Variants in RHOBTB1 observed in about 807,000 individuals in gnomAD.
RHOBTB1 encodes Rho related BTB domain containing 1, also known as rho-related BTB domain-containing protein 1.
RHOBTB1 carries 40 observed loss-of-function variants against 71.6 expected under a neutral mutation model. That is an observed-to-expected ratio of 0.56 (90% CI 0.43 to 0.73). The LOEUF (loss-of-function observed/expected upper bound fraction) is 0.73, where lower values mean the gene tolerates loss of function less well. RHOBTB1 is among the 30% of genes least tolerant of loss of function. The pLI is 0.00. For missense variants in RHOBTB1, 797 were observed against 894.0 expected, an observed-to-expected ratio of 0.89 and a Z score of 1.38; for synonymous variants, 319 against 334.9, an observed-to-expected ratio of 0.95 and a Z score of 0.52.
chr10:60,864,983 G>A (rs2080630565), downstream of RHOBTB1, among the ~76,000 whole-genome samples: 3 of 152,150 alleles, frequency 2.0e-5, no homozygotes, highest in South Asian at 6.2e-4. Context: ...TAGCCACTGT[G>A]CCCGGCTTGA....
At chr10:60,998,124 C>T (rs987473568) in intron 1 of RHOBTB1, among the ~76,000 whole-genome samples, 1 of 152,138 alleles carries the variant, frequency 6.6e-6, no homozygotes, top group South Asian at 2.1e-4. Context: ...TCCATTTGTC[C>T]TGTGTGTCTG....
At chr10:60,863,623 C>T in the RHOBTB1 span, among the ~76,000 whole-genome samples, 9 of 152,084 alleles carry the variant, frequency 5.9e-5, no homozygotes, top group African/African-American at 1.4e-4. Context: ...ACCTCTGCCT[C>T]CCAGGTTCAA....
intron 4 of RHOBTB1, among the ~76,000 whole-genome samples, chr10:60,900,023 G>A (rs1294398258): frequency 3.3e-5 from 5 of 152,242 alleles, no homozygotes; most frequent in Admixed American, 2.6e-4. Flanking sequence ...CAGAGCAAAG[G>A]CCCGAGGTAG....
chr10:60,893,317 T>C (rs1044622861), intron 4 of RHOBTB1, among the ~76,000 whole-genome samples: 1 of 152,222 alleles, frequency 6.6e-6, no homozygotes, highest in Non-Finnish European at 1.5e-5. Context: ...TGCTGAACTA[T>C]TTCTCTTCAT....
At chr10:60,908,027 T>C (rs1273060456) in intron 4 of RHOBTB1, among the ~76,000 whole-genome samples, 1 of 152,194 alleles carries the variant, frequency 6.6e-6, no homozygotes, top group East Asian at 1.9e-4. Context: ...TTTTGAAAAA[T>C]TGGAGCTTTT....
chr10:60,905,548 T>C (rs1304846402), intron 4 of RHOBTB1, among the ~76,000 whole-genome samples: 1 of 150,340 alleles, frequency 6.7e-6, no homozygotes, highest in Non-Finnish European at 1.5e-5. Context: ...TGAGTAACAG[T>C]GCCATATTGT....
the RHOBTB1 span, among the ~76,000 whole-genome samples, chr10:60,863,963 C>T: frequency 2.0e-5 from 3 of 152,214 alleles, no homozygotes; most frequent in Non-Finnish European, 4.4e-5. Flanking sequence ...TTCCCTGCCT[C>T]CGGCCTGAAA....
chr10:60,897,858 C>A (rs1288428095), intron 4 of RHOBTB1, among the ~76,000 whole-genome samples: 1 of 152,052 alleles, frequency 6.6e-6, no homozygotes, highest in Non-Finnish European at 1.5e-5. Flanking sequence ...AGGCGCATGA[C>A]CATGCCTGGC....
chr10:60,907,486 C>T (rs2082736419), intron 4 of RHOBTB1, among the ~76,000 whole-genome samples: 1 of 152,086 alleles, frequency 6.6e-6, no homozygotes, highest in Admixed American at 6.6e-5. Flanking sequence ...AAAAGTTCAT[C>T]CAAAAGTGGA....
intron 5 of RHOBTB1, among the ~76,000 whole-genome samples, chr10:60,891,697 C>A (rs920332409): frequency 6.6e-6 from 1 of 151,508 alleles, no homozygotes; most frequent in Non-Finnish European, 1.5e-5. Flanking sequence ...TGCTCTCCAG[C>A]CAAAAAGTTC....
At chr10:60,886,305 GC>G in intron 6 of RHOBTB1, 75 bp from the exon 7 acceptor site, 2 of 1,001,580 alleles carry the variant, frequency 2.0e-6, no homozygotes, top group Non-Finnish European at 1.6e-6. Context: ...TGCTCCCATA[GC>G]CACCAAACTG....
At chr10:60,894,557 A>G (rs2082072738) in intron 4 of RHOBTB1, among the ~76,000 whole-genome samples, 1 of 152,228 alleles carries the variant, frequency 6.6e-6, no homozygotes, top group Non-Finnish European at 1.5e-5. Context: ...AGTATCCAGT[A>G]AAGCCAAGAA....
At chr10:60,945,610 T>C (rs1045803784), upstream of RHOBTB1, among the ~76,000 whole-genome samples, 1 of 152,220 alleles carries the variant, frequency 6.6e-6, no homozygotes, top group Admixed American at 6.5e-5. Flanking sequence ...TTTCTACTCT[T>C]CCTCACTTGC....
intron 9 of RHOBTB1, among the ~76,000 whole-genome samples, chr10:60,874,569 G>A (rs1262364247): frequency 6.6e-6 from 1 of 152,200 alleles, no homozygotes; most frequent in Non-Finnish European, 1.5e-5. Context: ...CAGCTGCAAT[G>A]AGATGTTCAT....
intron 7 of RHOBTB1, among the ~76,000 whole-genome samples, chr10:60,881,219 T>C (rs2081315415): frequency 1.3e-5 from 2 of 152,220 alleles, no homozygotes; most frequent in African/African-American, 4.8e-5. Flanking sequence ...TCCCAAGCCA[T>C]GTGGAACTGT....
At chr10:60,937,083 T>TA (rs35534540) in intron 2 of RHOBTB1, among the ~76,000 whole-genome samples, 4 of 152,036 alleles carry the variant, frequency 2.6e-5, no homozygotes, top group Non-Finnish European at 2.9e-5. Flanking sequence ...TACAAGTATT[T>TA]AAAAAAAATA....
Position 60,911,500 on chromosome 10 carries a change from T to C in RHOBTB1, c.43A>G (p.Ile15Val). ...MDYERPNVET[I>V]KCVVVGDNAV... ...TTGTCACCCACGACCACACATTTGA[T>C]AGTTTCAACGTTGGGTCTTTCGTAG... The change falls in exon 3 of 11, where the codon ATC (isoleucine) becomes GTC (valine). Residue 15 changes from isoleucine (I) to valine (V), a missense_variant. By Grantham distance (29) the Ile-to-Val change is conservative (BLOSUM62 3). This residue lies in a region of RHOBTB1 where 139 missense variants were observed against 212.5 expected (regional missense o/e 0.65). Transcript: ENST00000337910. 3 of 1,614,232 alleles carry C rather than the reference T, an allele frequency of 1.9e-6. No individual in the cohort carries two copies. The highest frequency in any genetic ancestry group is 1.3e-5 in the African/African-American group (1 of 75,066).
At chr10:60,949,743 G>T (rs975530165) in intron 2 of RHOBTB1, among the ~76,000 whole-genome samples, 1 of 147,210 alleles carries the variant, frequency 6.8e-6, no homozygotes, top group Admixed American at 6.9e-5. Context: ...TAACCTAATG[G>T]ATCTATTCTT....
At chr10:60,957,258 T>C (rs142840609) in intron 2 of RHOBTB1, among the ~76,000 whole-genome samples, 394 of 152,320 alleles carry the variant, frequency 2.6e-3, no homozygotes, top group Non-Finnish European at 4.8e-3. Context: ...TATCAAATAC[T>C]ATGTGCTGTA....
Sources: allele counts gnomAD v4.1 joint callset (sites outside exome capture counted in the v4.1 genomes callset), GRCh38; gene constraint gnomAD v4.1.1; regional missense constraint gnomAD v4.1.1; transcripts MANE v1.5; gene names NCBI Gene and HGNC (gene_info 2026-07-23, HGNC 2026-07-21).